ASB18: variants seen among roughly 807,000 people sequenced by gnomAD.
ASB18 encodes the protein ankyrin repeat and SOCS box protein 18.
In ASB18, 33 loss-of-function variants were observed where a neutral mutation model predicts 33.4. The ratio of observed to expected loss-of-function variants is 0.99; its 90% CI spans 0.75 to 1.32. The LOEUF (loss-of-function observed/expected upper bound fraction) is 1.32. ASB18 is among the 40% of genes most tolerant of loss of function. The pLI is 0.00. For missense variants in ASB18, 694 were observed against 655.5 expected, an observed-to-expected ratio of 1.06 and a Z score of -0.64; for synonymous variants, 295 against 307.6, an observed-to-expected ratio of 0.96 and a Z score of 0.43.
chr2:236,244,401 G>C lies in ASB18; in HGVS notation c.206-2999C>G, dbSNP rs762467193. On this transcript the variant is annotated intron_variant, in intron 1 of 5. Coordinates refer to ENST00000409749, the MANE Select transcript of ASB18 (RefSeq NM_212556.4). The surrounding 1 kb of genome is among the most constrained non-coding windows in gnomAD (Gnocchi z 6.1). ...CCCCATTTGCTCACAGCCAGTGTTAGACCTGGGGACCCATGGGATCCCATC... is the reference window on the plus strand; with the variant it reads ...CCCCATTTGCTCACAGCCAGTGTTACACCTGGGGACCCATGGGATCCCATC... 6.6e-6 allele frequency among the ~76,000 whole-genome samples: 1 copy of C among 152,192 alleles called. No individual in the cohort carries two copies. Among genetic ancestry groups the C allele is most frequent in the African/African-American group, 2.4e-5 (1 of 41,448 alleles).
chr2:236,243,020 CAAAAAAAAAAAAAA>C (rs35265987), intron 1 of ASB18, among the ~76,000 whole-genome samples: 1 of 38,424 alleles, frequency 2.6e-5, no homozygotes, highest in Non-Finnish European at 4.2e-5. Flanking sequence ...GACCCTGTCT[CAAAAAAAAAAAAAA>C]AAAAAAAAAA....
rs951994813 is a variant in ASB18 at position 236,255,571 on chromosome 2, G to A, written c.205+8570C>T. ...GCAGGAGAGGAGGGTGGCTGTGAGGGAATAGCTAGCAGCTGGTGGCCTCTC... is the reference window on the plus strand; with the variant it reads ...GCAGGAGAGGAGGGTGGCTGTGAGGAAATAGCTAGCAGCTGGTGGCCTCTC... On this transcript the variant is annotated intron_variant, in intron 1 of 5. Transcript: ENST00000409749. This position sits in a 1 kb window ranked among gnomAD's most constrained non-coding sequence, Gnocchi z 4.4. 2.6e-5 allele frequency among the ~76,000 whole-genome samples: 4 copies of A among 152,204 alleles called. No homozygotes were observed. Among genetic ancestry groups the A allele is most frequent in the Non-Finnish European group, 4.4e-5 (3 of 68,034 alleles).
chr2:236,207,011 C>A (rs1419292266), intron 4 of ASB18, among the ~76,000 whole-genome samples: 1 of 152,192 alleles, frequency 6.6e-6, no homozygotes, highest in Non-Finnish European at 1.5e-5. Flanking sequence ...CTACACAAGA[C>A]AGAGACAAAA....
At position 236,257,179 on chromosome 2, in the gene ASB18, T is replaced by A. The variant is rs1428993883; in HGVS notation, c.205+6962A>T. ...TAATTAAGAAGATGGGACAATAATTTGTGCATAATTCCGGATCTTTTCCTG... is the reference window on the plus strand; with the variant it reads ...TAATTAAGAAGATGGGACAATAATTAGTGCATAATTCCGGATCTTTTCCTG... On this transcript the variant is annotated intron_variant, in intron 1 of 5. Coordinates refer to ENST00000409749, the MANE Select transcript of ASB18 (RefSeq NM_212556.4). The surrounding 1 kb of genome is among the most constrained non-coding windows in gnomAD (Gnocchi z 5.5). Among the ~76,000 whole-genome samples the A allele has an allele frequency of 6.6e-6, 1 of 152,236 alleles. No individual in the cohort carries two copies. Among genetic ancestry groups the A allele is most frequent in the Non-Finnish European group, 1.5e-5 (1 of 68,046 alleles).
chr2:236,206,457 G>A (rs533867871), intron 4 of ASB18, among the ~76,000 whole-genome samples: 5 of 152,296 alleles, frequency 3.3e-5, no homozygotes, highest in Admixed American at 2.6e-4. Context: ...CATGAGGGAG[G>A]CATTCTGAGG....
Position 236,195,511 on chromosome 2 carries a change from TCTCA to T in ASB18, c.1216-458_1216-455del, listed in dbSNP as rs1362152034. Among the ~76,000 whole-genome samples, 2 of 149,498 alleles carry T rather than the reference TCTCA, an allele frequency of 1.3e-5. No homozygotes were observed. Among genetic ancestry groups the T allele is most frequent in the African/African-American group, 5.0e-5 (2 of 40,398 alleles). On this transcript the variant is annotated intron_variant, in intron 5 of 5. Coordinates refer to ENST00000409749, the MANE Select transcript of ASB18 (RefSeq NM_212556.4). This position sits in a 1 kb window ranked among gnomAD's most constrained non-coding sequence, Gnocchi z 5.5. Reference sequence around the variant, plus strand: ...AAACAGAAAAAACACACACAACTCTTCTCACTCTCTTTTTTTTTTTTTGAGATGG... The same window carrying T: ...AAACAGAAAAAACACACACAACTCTTCTCTCTTTTTTTTTTTTTGAGATGG...
chr2:236,214,325 C>T lies in ASB18; in HGVS notation c.1101+37G>A. On this transcript the variant is annotated intron_variant, in intron 4 of 5. Transcript: ENST00000409749. The surrounding 1 kb of genome is among the most constrained non-coding windows in gnomAD (Gnocchi z 6.5). ...AGGCCGGTCACTAAGTGGCAAAACT[C>T]CAGGGCACGTGCCAGCCGGGCTGGA... is the stretch of plus-strand genomic sequence containing the variant. The T allele has an allele frequency of 6.5e-7, 1 of 1,544,424 alleles. No homozygotes were observed. Among genetic ancestry groups the T allele is most frequent in the Non-Finnish European group, 8.7e-7 (1 of 1,148,346 alleles).
Position 236,245,132 on chromosome 2 carries a change from G to A in ASB18, c.206-3730C>T, listed in dbSNP as rs1018164683. Among the ~76,000 whole-genome samples the A allele has an allele frequency of 2.6e-5, 4 of 152,140 alleles. No individual in the cohort carries two copies. The highest frequency in any genetic ancestry group is 7.2e-5 in the African/African-American group (3 of 41,438). ...GGCCATGACCCAAATTGGTTGCCAC[G>A]GGGGCCGTAGGTTTATTTTTTACCA... is the stretch of plus-strand genomic sequence containing the variant. On this transcript the variant is annotated intron_variant, in intron 1 of 5. Coordinates refer to ENST00000409749, the MANE Select transcript of ASB18 (RefSeq NM_212556.4). The surrounding 1 kb of genome is among the most constrained non-coding windows in gnomAD (Gnocchi z 4.7).
rs997804331 is a variant in ASB18, at chr2:236,256,448, C to T, written c.205+7693G>A. 2.0e-5 allele frequency among the ~76,000 whole-genome samples: 3 copies of T among 152,172 alleles called. No individual in the cohort carries two copies. The East Asian group carries it at 5.8e-4, about 29-fold the overall frequency. ...AGATAGTGGGGCATTGGATGGGAAG[C>T]TAGAATCAGGCTACAGAGAGCATGC... On this transcript the variant is annotated intron_variant, in intron 1 of 5. Coordinates refer to ENST00000409749, the MANE Select transcript of ASB18 (RefSeq NM_212556.4). This position sits in a 1 kb window ranked among gnomAD's most constrained non-coding sequence, Gnocchi z 4.7.
At chr2:236,261,307 A>T (rs959227651) in intron 1 of ASB18, among the ~76,000 whole-genome samples, 5 of 152,142 alleles carry the variant, frequency 3.3e-5, no homozygotes, top group Non-Finnish European at 5.9e-5. Context: ...CTTCCTTTGC[A>T]TTGGCTTAGA....
chr2:236,232,565 G>A (rs550615969), intron 3 of ASB18, among the ~76,000 whole-genome samples: 30 of 152,072 alleles, frequency 2.0e-4, no homozygotes, highest in African/African-American at 6.3e-4. Flanking sequence ...TTATTGGGGG[G>A]AAAAGAAGAC....
rs995167318 is a variant in ASB18, at chr2:236,225,008, G to A, written c.597-10142C>T. Among the ~76,000 whole-genome samples the A allele has an allele frequency of 3.3e-5, 5 of 152,196 alleles. No homozygotes were observed. The highest frequency in any genetic ancestry group is 3.3e-4 in the Admixed American group (5 of 15,284). On this transcript the variant is annotated intron_variant, in intron 3 of 5. Transcript: ENST00000409749. The surrounding 1 kb of genome is among the most constrained non-coding windows in gnomAD (Gnocchi z 5.1). ...ATTATGTATCAATGCCTGTGAGCCT[G>A]GCATCTCAGGCAGGTGAACTTCCTG...
rs545028183 is a variant in ASB18 at position 236,205,067 on chromosome 2, C to T, written c.1102-8682G>A. ...AGCAACACCCTCCTAACTCATCTTT[C>T]GACATCTGTTCTCCTCTTTCTCAAG... On this transcript the variant is annotated intron_variant, in intron 4 of 5. Transcript: ENST00000409749. The surrounding 1 kb of genome is among the most constrained non-coding windows in gnomAD (Gnocchi z 5.4). Among the ~76,000 whole-genome samples, 92 of 152,328 alleles carry T rather than the reference C, an allele frequency of 6.0e-4. No homozygotes were observed. The highest frequency in any genetic ancestry group is 2.1e-3 in the African/African-American group (88 of 41,578).
At chr2:236,242,765 C>T (rs985604745) in intron 1 of ASB18, among the ~76,000 whole-genome samples, 106 of 149,892 alleles carry the variant, frequency 7.1e-4, no homozygotes, top group African/African-American at 2.5e-3. Flanking sequence ...TGTGTCTGGC[C>T]AATCCCAGCA....
chr2:236,238,077 T>A lies in ASB18; in HGVS notation c.329-121A>T. The A allele has an allele frequency of 1.3e-6, 1 of 765,734 alleles. No individual in the cohort carries two copies. The highest frequency in any genetic ancestry group is 1.9e-6 in the Non-Finnish European group (1 of 535,532). 47.4% of individuals were successfully genotyped at this position (765,734 alleles called of 1,614,324 possible). ...CTTAAAGGTAGGTACCAGGTAGGCATGTAGGGAGAAGAGGATAGAATCAGA... is the reference window on the plus strand; with the variant it reads ...CTTAAAGGTAGGTACCAGGTAGGCAAGTAGGGAGAAGAGGATAGAATCAGA... On this transcript the variant is annotated intron_variant, in intron 2 of 5. Transcript: ENST00000409749. The surrounding 1 kb of genome is among the most constrained non-coding windows in gnomAD (Gnocchi z 5.2).
At position 236,223,838 on chromosome 2, in the gene ASB18, C is replaced by T. The variant is rs74516071; in HGVS notation, c.597-8972G>A. 0.01 allele frequency among the ~76,000 whole-genome samples: 1,593 copies of T among 152,262 alleles called. 24 individuals carry two copies. Among genetic ancestry groups the T allele is most frequent in the African/African-American group, 0.037 (1,523 of 41,544 alleles). ...CTGTTCACATTCATCCATACTGTTG[C>T]CTGCATGGAGTAATTCATTCTTTTT... On this transcript the variant is annotated intron_variant, in intron 3 of 5. Transcript: ENST00000409749. The surrounding 1 kb of genome is among the most constrained non-coding windows in gnomAD (Gnocchi z 4.6).
chr2:236,196,370 C>T lies in ASB18; in HGVS notation c.1117G>A (p.Ala373Thr). ...DAFPKVLKTC[A>T]SVPAVIEVLF... ...ACCTCGATGACTGCGGGGACAGATGCACAGGTCTTCAGCACCTGGTGGGAA... is the reference window on the plus strand; with the variant it reads ...ACCTCGATGACTGCGGGGACAGATGTACAGGTCTTCAGCACCTGGTGGGAA... The change falls in exon 5 of 6, where the codon GCA (alanine) becomes ACA (threonine). Residue 373 changes from alanine (A) to threonine (T), a missense_variant. Transcript: ENST00000409749. The surrounding 1 kb of genome is among the most constrained non-coding windows in gnomAD (Gnocchi z 5.6). 6.4e-7 allele frequency: 1 copy of T among 1,561,686 alleles called. No individual in the cohort carries two copies. The highest frequency in any genetic ancestry group is 8.7e-7 in the Non-Finnish European group (1 of 1,151,874).
Position 236,250,930 on chromosome 2 carries a change from A to T in ASB18, c.206-9528T>A, listed in dbSNP as rs549539010. ...GCACACCTCATTTAACAAAACATTAAAACATTTTACTTCCTCAGATCAAGT... is the reference window on the plus strand; with the variant it reads ...GCACACCTCATTTAACAAAACATTATAACATTTTACTTCCTCAGATCAAGT... On this transcript the variant is annotated intron_variant, in intron 1 of 5. Coordinates refer to ENST00000409749, the MANE Select transcript of ASB18 (RefSeq NM_212556.4). The surrounding 1 kb of genome is among the most constrained non-coding windows in gnomAD (Gnocchi z 4.1). Among the ~76,000 whole-genome samples the T allele has an allele frequency of 1.3e-5, 2 of 152,352 alleles. No individual in the cohort carries two copies. The highest frequency in any genetic ancestry group is 4.1e-4 in the South Asian group (2 of 4,828).
In ASB18 at chr2:236,260,857, C is replaced by A. The variant is rs2106287904; in HGVS notation, c.205+3284G>T. ...CGTGCCAGTCTCTGAGGGGAGGCCC[C>A]AGCAGAAAGCAGTTCCCAAGCTCAT... On this transcript the variant is annotated intron_variant, in intron 1 of 5. Transcript: ENST00000409749. This position sits in a 1 kb window ranked among gnomAD's most constrained non-coding sequence, Gnocchi z 5.1. Among the ~76,000 whole-genome samples, 1 of 152,272 alleles carries A rather than the reference C, an allele frequency of 6.6e-6. No homozygotes were observed. The highest frequency in any genetic ancestry group is 2.1e-4 in the South Asian group (1 of 4,810).
Sources: gnomAD v4.1 joint callset for allele counts (sites outside exome capture counted in the v4.1 genomes callset) on GRCh38, gnomAD v4.1.1 for gene constraint, Gnocchi (gnomAD v3.1) non-coding constraint, MANE v1.5 for transcripts, NCBI Gene and HGNC (gene_info 2026-07-23, HGNC 2026-07-21) for gene names.